Variants in MAP7D2 observed in about 807,000 individuals in gnomAD.
The protein encoded by MAP7D2 is MAP7 domain containing 2.
In MAP7D2, 33 loss-of-function variants were observed where a neutral mutation model predicts 63.5. The ratio of observed to expected loss-of-function variants is 0.52; its 90% CI spans 0.39 to 0.70. The LOEUF is 0.70. Among genes scored for constraint, MAP7D2 ranks in the 30% least tolerant of loss-of-function variants. The probability of loss-of-function intolerance (pLI) is 0.00; values close to 1 mark genes in which losing one functional copy is unlikely to be tolerated. For synonymous variants in MAP7D2, 224 were observed against 223.7 expected, an observed-to-expected ratio of 1.00 and a Z score of -0.01; for missense variants, 626 against 604.0, an observed-to-expected ratio of 1.04 and a Z score of -0.38.
intron 12 of MAP7D2, 127 bp downstream of exon 12, chrX:20,015,096 G>T (rs987185291): frequency 2.1e-6 from 1 of 476,140 alleles, no homozygotes; most frequent in South Asian, 3.6e-5. Flanking sequence ...TAAAAGATTT[G>T]AACAGTGGTA....
At chrX:20,088,286 A>C (rs1175369897) in intron 1 of MAP7D2, among the ~76,000 whole-genome samples, 8 of 94,164 alleles carry the variant, frequency 8.5e-5, no homozygotes, top group African/African-American at 3.7e-4. Flanking sequence ...AAGGTTGGTC[A>C]ATAGTTTTCT....
At chrX:20,032,953 C>G (rs1268205225) in intron 8 of MAP7D2, among the ~76,000 whole-genome samples, 1 of 112,194 alleles carries the variant, frequency 8.9e-6, no homozygotes. Context: ...TACAGAGAAG[C>G]CATAGTAGGC....
chrX:20,052,991 G>A lies in MAP7D2; in HGVS notation c.485-3C>T. 1 of 1,154,983 alleles carries A rather than the reference G, an allele frequency of 8.7e-7. No homozygotes were observed. Among genetic ancestry groups the A allele is most frequent in the Non-Finnish European group, 1.2e-6 (1 of 843,742 alleles). On this transcript the variant is annotated splice_region_variant and splice_polypyrimidine_tract_variant and intron_variant, in intron 4 of 16. Transcript: ENST00000379643. Reference sequence around the variant, plus strand: ...TGATGTTGAAAGTTTGTCACATGCTGCAGAGAAATGCATTAAAGACATTGG... The same window carrying A: ...TGATGTTGAAAGTTTGTCACATGCTACAGAGAAATGCATTAAAGACATTGG...
At chrX:20,034,814 C>G (rs1031380690) in intron 8 of MAP7D2, among the ~76,000 whole-genome samples, 3 of 111,818 alleles carry the variant, frequency 2.7e-5, no homozygotes, top group Non-Finnish European at 5.6e-5. Context: ...CTAACACACA[C>G]ACATACTGAG....
At chrX:20,033,157 C>T (rs1287904004) in intron 8 of MAP7D2, among the ~76,000 whole-genome samples, 1 of 111,996 alleles carries the variant, frequency 8.9e-6, no homozygotes, top group Non-Finnish European at 1.9e-5. Context: ...CACAAAAGAT[C>T]CAAAGAGAGA....
At chrX:20,102,799 A>C (rs2066470929) in intron 1 of MAP7D2, among the ~76,000 whole-genome samples, 1 of 109,506 alleles carries the variant, frequency 9.1e-6, no homozygotes, top group African/African-American at 3.3e-5. Context: ...GTTCTAAGCT[A>C]TGTGGCTGGT....
intron 1 of MAP7D2, among the ~76,000 whole-genome samples, chrX:20,100,898 G>GT (rs2066415345): frequency 1.8e-5 from 2 of 110,414 alleles, no homozygotes; most frequent in South Asian, 7.7e-4. Context: ...GTGAATGCCT[G>GT]TAATTCCAAC....
At chrX:20,063,695 C>T (rs2065278554) in intron 2 of MAP7D2, 118 bp from the exon 3 acceptor site, 1 of 788,929 alleles carries the variant, frequency 1.3e-6, no homozygotes, top group East Asian at 3.3e-5. Context: ...AGGATCCTAG[C>T]ATGCAGTGAT....
intron 10 of MAP7D2, among the ~76,000 whole-genome samples, chrX:20,023,168 TAAAAC>T (rs2073716044): frequency 8.9e-6 from 1 of 112,127 alleles, no homozygotes; most frequent in Admixed American, 9.4e-5. Context: ...AAACGGACAA[TAAAAC>T]AAGACAAAGG....
chrX:20,031,316 TAAAATAA>T (rs1280902280), intron 8 of MAP7D2, among the ~76,000 whole-genome samples: 1 of 104,585 alleles, frequency 9.6e-6, no homozygotes, highest in Non-Finnish European at 2.0e-5. Context: ...TAAAATAAAA[TAAAATAA>T]AATAAAATAA....
intron 1 of MAP7D2, among the ~76,000 whole-genome samples, chrX:20,069,510 T>C (rs1459396050): frequency 9.0e-6 from 1 of 110,517 alleles, no homozygotes; most frequent in African/African-American, 3.3e-5. Context: ...TCTATGGCCA[T>C]CTCTTTCTTT....
At chrX:20,058,074 A>T (rs919789977) in intron 3 of MAP7D2, among the ~76,000 whole-genome samples, 1 of 111,690 alleles carries the variant, frequency 9.0e-6, no homozygotes, top group Non-Finnish European at 1.9e-5. Context: ...ACCTCCTGTA[A>T]CTCTTAGATT....
chrX:20,032,493 C>G (rs1311512469), intron 8 of MAP7D2, among the ~76,000 whole-genome samples: 1 of 111,434 alleles, frequency 9.0e-6, no homozygotes, highest in Admixed American at 9.5e-5. Context: ...GGGAGGGAGC[C>G]TTCCACGGGC....
At chrX:20,091,616 C>T (rs1181550172) in intron 1 of MAP7D2, among the ~76,000 whole-genome samples, 3 of 111,101 alleles carry the variant, frequency 2.7e-5, no homozygotes, top group Non-Finnish European at 5.7e-5. Flanking sequence ...TATTTCTCCC[C>T]AAGTGTACTC....
intron 8 of MAP7D2, among the ~76,000 whole-genome samples, chrX:20,041,857 C>A (rs2064664107): frequency 9.0e-6 from 1 of 111,301 alleles, no homozygotes; most frequent in Non-Finnish European, 1.9e-5. Flanking sequence ...GGTGAGTTTA[C>A]CTAGTTCCTA....
chrX:20,116,504 A>T (rs1278701243), intron 1 of MAP7D2: 2 of 845,866 alleles, frequency 2.4e-6, no homozygotes, highest in African/African-American at 4.3e-5. Context: ...GCCCACCCTA[A>T]GCCACCCCCC....
At chrX:20,029,488 C>T (rs2148208153) in intron 8 of MAP7D2, among the ~76,000 whole-genome samples, 1 of 112,354 alleles carries the variant, frequency 8.9e-6, no homozygotes, top group African/African-American at 3.2e-5. Context: ...CTCAAGTTGG[C>T]ATAGCCCTGA....
intron 15 of MAP7D2, among the ~76,000 whole-genome samples, chrX:20,011,385 T>C (rs950173642): frequency 5.2e-4 from 58 of 112,183 alleles, no homozygotes; most frequent in African/African-American, 1.8e-3. Context: ...CAGAACTTTC[T>C]AAATGGGACA....
intron 4 of MAP7D2, among the ~76,000 whole-genome samples, chrX:20,054,678 T>G (rs974181909): frequency 1.8e-4 from 20 of 110,542 alleles, no homozygotes; most frequent in African/African-American, 6.6e-4. Flanking sequence ...GCCTCCCGGG[T>G]TCAAGCAATT....
Sources: allele counts gnomAD v4.1 joint callset (sites outside exome capture counted in the v4.1 genomes callset), GRCh38; gene constraint gnomAD v4.1.1; transcripts MANE v1.5; gene names NCBI Gene and HGNC (gene_info 2026-07-23, HGNC 2026-07-21).